Variants in SH3GL3 observed in about 807,000 individuals in gnomAD.
SH3GL3 encodes SH3 domain containing GRB2 like 3, endophilin A3.
Under a neutral mutation model 47.7 loss-of-function variants are expected in SH3GL3, and 33 were observed. That is an observed-to-expected ratio of 0.69 (90% CI 0.52 to 0.92). The LOEUF is 0.92. SH3GL3 is among the 40% of genes least tolerant of loss of function. SH3GL3 has a pLI of 0.00. For synonymous variants in SH3GL3, 155 were observed against 148.8 expected, an observed-to-expected ratio of 1.04 and a Z score of -0.30; for missense variants, 363 against 417.8, an observed-to-expected ratio of 0.87 and a Z score of 1.14.
the SH3GL3 span, among the ~76,000 whole-genome samples, chr15:83,629,863 C>T: frequency 6.6e-6 from 1 of 152,092 alleles, no homozygotes; most frequent in Non-Finnish European, 1.5e-5. Context: ...CCTAGACATA[C>T]AGGCTAAAAC....
chr15:83,447,723 G>A lies in SH3GL3; in HGVS notation c.45+145G>A. 3.8e-6 allele frequency: 2 copies of A among 522,030 alleles called. No homozygotes were observed. The highest frequency in any genetic ancestry group is 6.5e-6 in the Non-Finnish European group (2 of 306,830). The allele number at this position is 522,030 out of a possible 1,614,324, so 32.3% of individuals were successfully genotyped here. On this transcript the variant is annotated intron_variant, in intron 1 of 8. Transcript: ENST00000427482. This position sits in a 1 kb window ranked among gnomAD's most constrained non-coding sequence, Gnocchi z 5.1. The stretch of plus-strand genomic sequence containing the variant: ...CCGCCTAGGAGGGCGCGAGGGTGGG[G>A]TGAGGGGCCGCCTGCTCTCTCCTCG...
At chr15:83,561,863 G>A (rs1453735685) in intron 2 of SH3GL3, among the ~76,000 whole-genome samples, 1 of 152,094 alleles carries the variant, frequency 6.6e-6, no homozygotes, top group African/African-American at 2.4e-5. Context: ...TCATGGGCAG[G>A]GTGCCAGCAT....
At chr15:83,626,861 T>A in the SH3GL3 span, among the ~76,000 whole-genome samples, 1 of 152,344 alleles carries the variant, frequency 6.6e-6, no homozygotes. Flanking sequence ...GAGCAATTTT[T>A]ACTCCCGCTA....
downstream of SH3GL3, among the ~76,000 whole-genome samples, chr15:83,623,361 G>A (rs547735969): frequency 1.3e-5 from 2 of 152,330 alleles, no homozygotes; most frequent in South Asian, 4.1e-4. Context: ...CTCACTCACG[G>A]GACTGGGGGA....
intron 5 of SH3GL3, among the ~76,000 whole-genome samples, chr15:83,575,894 C>T (rs990644796): frequency 2.0e-5 from 3 of 152,210 alleles, no homozygotes; most frequent in Middle Eastern, 3.4e-3. Flanking sequence ...GTTTCTGACA[C>T]GGGGTCTCTC....
chr15:83,542,922 T>A (rs1039188921), intron 1 of SH3GL3, among the ~76,000 whole-genome samples: 1 of 152,164 alleles, frequency 6.6e-6, no homozygotes, highest in Non-Finnish European at 1.5e-5. Context: ...AAGGATAATT[T>A]GACTTTTTCC....
intron 1 of SH3GL3, among the ~76,000 whole-genome samples, chr15:83,548,604 C>T (rs2151717794): frequency 6.6e-6 from 1 of 152,084 alleles, no homozygotes; most frequent in Admixed American, 6.5e-5. Flanking sequence ...TATTTTCTGC[C>T]AGCATTTTAA....
chr15:83,464,379 G>A (rs138530906), intron 1 of SH3GL3, among the ~76,000 whole-genome samples: 319 of 152,166 alleles, frequency 2.1e-3, no homozygotes, highest in Non-Finnish European at 3.5e-3. Context: ...TTCTAACTTT[G>A]CATGCTCCCA....
intron 1 of SH3GL3, among the ~76,000 whole-genome samples, chr15:83,546,181 C>A (rs1284637062): frequency 6.6e-6 from 1 of 151,320 alleles, no homozygotes; most frequent in Non-Finnish European, 1.5e-5. Context: ...GGGCCTGGAA[C>A]TGGGGGCTGC....
At chr15:83,464,959 A>G (rs958734682) in intron 1 of SH3GL3, among the ~76,000 whole-genome samples, 2 of 150,856 alleles carry the variant, frequency 1.3e-5, no homozygotes, top group Non-Finnish European at 2.9e-5. Flanking sequence ...AAACCTGCAC[A>G]TTGTGCACAT....
downstream of SH3GL3, among the ~76,000 whole-genome samples, chr15:83,623,379 C>G (rs1401458285): frequency 6.6e-6 from 1 of 152,198 alleles, no homozygotes; most frequent in Admixed American, 6.5e-5. Flanking sequence ...GGATAGTTGG[C>G]TGTTGGTTGG....
chr15:83,580,921 C>A (rs1326688657), intron 6 of SH3GL3, among the ~76,000 whole-genome samples: 3 of 152,244 alleles, frequency 2.0e-5, no homozygotes, highest in African/African-American at 7.2e-5. Flanking sequence ...GACTTAGAAG[C>A]ATTCGCTCCA....
Position 83,588,782 on chromosome 15 carries a change from C to T in SH3GL3, c.838+11C>T, listed in dbSNP as rs775712276. The T allele has an allele frequency of 7.3e-6, 10 of 1,375,952 alleles. No homozygotes were observed. Among genetic ancestry groups the T allele is most frequent in the African/African-American group, 7.1e-5 (5 of 70,298 alleles). 85.2% of individuals were successfully genotyped at this position (1,375,952 alleles called of 1,614,324 possible). On this transcript the variant is annotated intron_variant, in intron 8 of 8. Transcript: ENST00000427482. ...TAGTGAAGACGACAGGTAAGTTGACCATTCTAATATGCTAAGTGTGCCTTT... is the reference window on the plus strand; with the variant it reads ...TAGTGAAGACGACAGGTAAGTTGACTATTCTAATATGCTAAGTGTGCCTTT...
At chr15:83,598,213 G>C (rs1218811783) in intron 8 of SH3GL3, among the ~76,000 whole-genome samples, 1 of 152,154 alleles carries the variant, frequency 6.6e-6, no homozygotes, top group Non-Finnish European at 1.5e-5. Flanking sequence ...GCAGTTGCCA[G>C]GGCTCCTGGC....
intron 1 of SH3GL3, among the ~76,000 whole-genome samples, chr15:83,471,381 T>G (rs541682772): frequency 6.6e-6 from 1 of 152,358 alleles, no homozygotes; most frequent in Admixed American, 6.5e-5. Flanking sequence ...GCTGTTTTCA[T>G]TCTTTGAGTT....
At chr15:83,487,272 A>G (rs2041648128) in intron 1 of SH3GL3, among the ~76,000 whole-genome samples, 1 of 149,942 alleles carries the variant, frequency 6.7e-6, no homozygotes, top group South Asian at 2.1e-4. Context: ...ATTTGATAAC[A>G]TGACTAGTTC....
Position 83,505,825 on chromosome 15 carries a change from C to T in SH3GL3, c.46-53428C>T, listed in dbSNP as rs112257543. On this transcript the variant is annotated intron_variant, in intron 1 of 8. Transcript: ENST00000427482. The stretch of plus-strand genomic sequence containing the variant: ...GATTACAGGCATGAGCCACTGCGTC[C>T]GGCCTGAATTTCCTTTTTAGTGACA... Among the ~76,000 whole-genome samples the T allele has an allele frequency of 7.8e-3, 1,190 of 152,246 alleles. 16 individuals carry two copies. Among genetic ancestry groups the T allele is most frequent in the African/African-American group, 0.028 (1,164 of 41,534 alleles).
chr15:83,618,189 A>T lies in SH3GL3; in HGVS notation c.946A>T (p.Asn316Tyr), dbSNP rs1165177333. 31 of 1,609,474 alleles carry T rather than the reference A, an allele frequency of 1.9e-5. No homozygotes were observed. The highest frequency in any genetic ancestry group is 2.6e-5 in the Non-Finnish European group (30 of 1,175,780). Reference protein sequence around the residue: ...FKEGDIITLTNQIDENWYEGM... With the variant: ...FKEGDIITLTYQIDENWYEGM... ...AGAAGGGGACATCATTACATTAACC[A>T]ATCAAATAGATGAAAACTGGTATGA... The change falls in exon 9 of 9, where the codon AAT becomes TAT. Residue 316 changes from asparagine (N) to tyrosine (Y), a missense_variant. By Grantham distance (143) the Asn-to-Tyr change is moderately radical. Coordinates refer to ENST00000427482, the MANE Select transcript of SH3GL3 (RefSeq NM_003027.5).
chr15:83,594,851 T>C (rs772783601), intron 8 of SH3GL3, among the ~76,000 whole-genome samples: 1 of 152,116 alleles, frequency 6.6e-6, no homozygotes, highest in Non-Finnish European at 1.5e-5. Context: ...CAAAAAATCA[T>C]AGATGGCTGG....
Sources: gnomAD v4.1 joint callset for allele counts (sites outside exome capture counted in the v4.1 genomes callset) on GRCh38, gnomAD v4.1.1 for gene constraint, Gnocchi (gnomAD v3.1) non-coding constraint, MANE v1.5 for transcripts, NCBI Gene and HGNC (gene_info 2026-07-23, HGNC 2026-07-21) for gene names.